PRKCH: variants seen among roughly 807,000 people sequenced by gnomAD.
The protein encoded by PRKCH is protein kinase C eta type.
PRKCH carries 28 observed loss-of-function variants against 82.5 expected under a neutral mutation model. The observed-to-expected ratio is 0.34, with a 90% CI of 0.25 to 0.47. The LOEUF (loss-of-function observed/expected upper bound fraction) is 0.47, where lower values mean the gene tolerates loss of function less well. Ranked by LOEUF, PRKCH falls within the 20% of genes least tolerant of loss-of-function variation. The probability of loss-of-function intolerance (pLI) is 1.00; values close to 1 mark genes in which losing one functional copy is unlikely to be tolerated. For synonymous variants in PRKCH, 322 were observed against 327.4 expected (o/e 0.98, Z 0.18); for missense variants, 705 against 881.8 (o/e 0.80, Z 2.54).
At chr14:61,322,904 G>A (rs1174509631) in intron 1 of PRKCH, 3 of 167,990 alleles carry the variant, frequency 1.8e-5, no homozygotes, top group African/African-American at 4.8e-5. Context: ...TATTCATAAT[G>A]TTTATGGATA....
intron 1 of PRKCH, chr14:61,304,317 A>T (rs1343122288): frequency 6.6e-6 from 1 of 152,138 alleles, no homozygotes; most frequent in African/African-American, 2.4e-5. Flanking sequence ...AGTCTGTTTT[A>T]AAAAAATGAG....
chr14:61,290,112 T>G (rs1216965187), intron 1 of PRKCH, among the ~76,000 whole-genome samples: 1 of 152,048 alleles, frequency 6.6e-6, no homozygotes, highest in Non-Finnish European at 1.5e-5. Flanking sequence ...GCCAATATGG[T>G]GAAACCCTGT....
intron 2 of PRKCH, among the ~76,000 whole-genome samples, chr14:61,410,377 T>C (rs17098310): frequency 0.057 from 8,633 of 152,244 alleles, 291 homozygotes; most frequent in South Asian, 0.11. Context: ...CTTGAGTGGA[T>C]TTGGGTTAAT....
intron 1 of PRKCH, among the ~76,000 whole-genome samples, chr14:61,275,125 A>G (rs2140088266): frequency 6.6e-6 from 1 of 152,324 alleles, no homozygotes; most frequent in South Asian, 2.1e-4. Context: ...TAAAATCATA[A>G]CAAGTATTAA....
chr14:61,450,568 A>G (rs1333951364), intron 5 of PRKCH, among the ~76,000 whole-genome samples: 1 of 152,218 alleles, frequency 6.6e-6, no homozygotes, highest in African/African-American at 2.4e-5. Flanking sequence ...TGGCCTGAAT[A>G]TGAAAGATGA....
At chr14:61,246,395 G>A (rs989639433) in intron 1 of PRKCH, among the ~76,000 whole-genome samples, 1 of 136,810 alleles carries the variant, frequency 7.3e-6, no homozygotes, top group South Asian at 2.6e-4. Context: ...GCAACAGAGT[G>A]AGACTCTGTC....
chr14:61,463,885 C>G lies in PRKCH; in HGVS notation c.1278+6206C>G, dbSNP rs538631691. Among the ~76,000 whole-genome samples the G allele has an allele frequency of 4.9e-4, 75 of 152,306 alleles. 1 individual carries two copies. Among genetic ancestry groups the G allele is most frequent in the African/African-American group, 1.6e-3 (66 of 41,562 alleles). The stretch of plus-strand genomic sequence containing the variant: ...ATGTCCTCCAGGTTGATCCATGTTG[C>G]AAATGACAGGATGTCTTTCTTTTTA... On this transcript the variant is annotated intron_variant, in intron 9 of 13. Transcript: ENST00000332981.
At chr14:61,477,480 C>G (rs1885778466) in intron 9 of PRKCH, among the ~76,000 whole-genome samples, 1 of 152,062 alleles carries the variant, frequency 6.6e-6, no homozygotes, top group Non-Finnish European at 1.5e-5. Flanking sequence ...TAAATGGAGA[C>G]AAATCTTTGC....
intron 1 of PRKCH, among the ~76,000 whole-genome samples, chr14:61,210,439 C>T (rs2044565611): frequency 6.6e-6 from 1 of 152,100 alleles, no homozygotes; most frequent in South Asian, 2.1e-4. Flanking sequence ...TATCTATCAG[C>T]CTTTCCCCAA....
chr14:61,261,976 C>A (rs1200844705), intron 1 of PRKCH, among the ~76,000 whole-genome samples: 2 of 152,014 alleles, frequency 1.3e-5, no homozygotes, highest in East Asian at 1.9e-4. Flanking sequence ...AATCCTAGCA[C>A]TTTGGGAGGC....
At chr14:61,540,067 T>A (rs575350420) in intron 12 of PRKCH, among the ~76,000 whole-genome samples, 154 of 152,366 alleles carry the variant, frequency 1.0e-3, no homozygotes, top group African/African-American at 3.5e-3. Flanking sequence ...AAATTTTAAG[T>A]GTCCTTCTAT....
chr14:61,400,308 A>G (rs1881541636), intron 2 of PRKCH, among the ~76,000 whole-genome samples: 2 of 152,226 alleles, frequency 1.3e-5, no homozygotes, highest in Non-Finnish European at 1.5e-5. Context: ...TAGTTGATTT[A>G]TAGCATTCCT....
chr14:61,475,498 A>G (rs935001368), intron 9 of PRKCH, among the ~76,000 whole-genome samples: 26 of 152,224 alleles, frequency 1.7e-4, no homozygotes, highest in Admixed American at 1.1e-3. Context: ...CCAGTTAGCA[A>G]TCATCTCCAC....
Position 61,280,216 on chromosome 14 carries a change from C to T in PRKCH, c.-19+92548C>T, listed in dbSNP as rs762338657. 3.7e-6 allele frequency: 6 copies of T among 1,614,058 alleles called. No individual in the cohort carries two copies. The highest frequency in any genetic ancestry group is 5.1e-6 in the Non-Finnish European group (6 of 1,179,972). The stretch of plus-strand genomic sequence containing the variant: ...GATGCCCAGGAAGGGGTTCTTGCCA[C>T]CCATCCACGAGATGCTGCTGAAGAT... On this transcript the variant is annotated intron_variant, in intron 1 of 3. Coordinates refer to the PRKCH transcript ENST00000555185. This position sits in a 1 kb window ranked among gnomAD's most constrained non-coding sequence, Gnocchi z 5.0.
intron 10 of PRKCH, among the ~76,000 whole-genome samples, chr14:61,518,335 A>C (rs1203375047): frequency 6.6e-6 from 1 of 152,110 alleles, no homozygotes; most frequent in Admixed American, 6.5e-5. Flanking sequence ...TGGCAACCAT[A>C]AAATAAAAGT....
At chr14:61,452,197 G>A in intron 6 of PRKCH, among the ~76,000 whole-genome samples, 1 of 152,116 alleles carries the variant, frequency 6.6e-6, no homozygotes, top group East Asian at 1.9e-4. Flanking sequence ...GGCTTCTGTA[G>A]GCTCGTGTGT....
In PRKCH at chr14:61,480,503, G is replaced by A. The variant is rs76286839; in HGVS notation, c.1279-4999G>A. ...TTTGTAAAGGGCATTCACTAAATAT[G>A]AGAAGTTTTACTCCTTTGGAATTAA... On this transcript the variant is annotated intron_variant, in intron 9 of 13. Transcript: ENST00000332981. Among the ~76,000 whole-genome samples, 3 of 152,320 alleles carry A rather than the reference G, an allele frequency of 2.0e-5. No homozygotes were observed. In the East Asian group the frequency reaches 5.8e-4, roughly 29 times the overall value.
intron 2 of PRKCH, among the ~76,000 whole-genome samples, chr14:61,420,279 A>G (rs1882767117): frequency 6.6e-6 from 1 of 152,054 alleles, no homozygotes; most frequent in African/African-American, 2.4e-5. Flanking sequence ...CACTCTGAGC[A>G]TTGGTTGTGT....
intron 12 of PRKCH, among the ~76,000 whole-genome samples, chr14:61,541,154 G>A (rs2246609): frequency 0.68 from 103,419 of 152,256 alleles, 38,544 homozygotes; most frequent in Non-Finnish European, 0.84. Context: ...CTGCTAGCAC[G>A]GGGTGTCTCC....
Sources: gnomAD v4.1 joint callset for allele counts (sites outside exome capture counted in the v4.1 genomes callset) on GRCh38, gnomAD v4.1.1 for gene constraint, Gnocchi (gnomAD v3.1) non-coding constraint, MANE v1.5 for transcripts, NCBI Gene and HGNC (gene_info 2026-07-23, HGNC 2026-07-21) for gene names.